AKR1C3: variants seen among roughly 807,000 people sequenced by gnomAD.
AKR1C3 encodes 3-alpha hydroxysteroid dehydrogenase, type II.
In AKR1C3, 48 loss-of-function variants were observed where a neutral mutation model predicts 43.6. That is an observed-to-expected ratio of 1.10 (90% confidence interval 0.87 to 1.40). The LOEUF (loss-of-function observed/expected upper bound fraction) is 1.40. Ranked by LOEUF, AKR1C3 falls within the 40% of genes most tolerant of loss-of-function variation. The pLI is 0.00. For synonymous variants in AKR1C3, 162 were observed against 139.6 expected (o/e 1.16, Z -1.13); for missense variants, 482 against 391.2 (o/e 1.23, Z -1.96).
At chr10:5,096,078 C>T (rs1839200330) in intron 1 of AKR1C3, 1 of 190,246 alleles carries the variant, frequency 5.3e-6, no homozygotes, top group Admixed American at 5.5e-5. Flanking sequence ...TTCTATACTC[C>T]ATGTGATTTT....
intron 7 of AKR1C3, among the ~76,000 whole-genome samples, chr10:5,103,904 ATTAATATATGATAGG>A (rs1839423984): frequency 6.6e-6 from 1 of 152,140 alleles, no homozygotes; most frequent in African/African-American, 2.4e-5. Flanking sequence ...TCTATGATGG[ATTAATATATGATAGG>A]TTAATATATA....
At chr10:5,085,133 A>AGGG (rs1554782901) in intron 1 of AKR1C3, among the ~76,000 whole-genome samples, 6 of 152,116 alleles carry the variant, frequency 3.9e-5, no homozygotes, top group African/African-American at 1.2e-4. Context: ...GTGGTGAGAG[A>AGGG]AGGCATCCCT....
chr10:5,093,817 C>G (rs1420613272), upstream of AKR1C3: 1 of 152,120 alleles, frequency 6.6e-6, no homozygotes, highest in Non-Finnish European at 1.5e-5. Context: ...ACAGCTTTAT[C>G]AGGACTGCAT....
In AKR1C3 at chr10:5,088,872, C is replaced by T. The variant is rs565300340; in HGVS notation, c.85-7538C>T. On this transcript the variant is annotated intron_variant, in intron 1 of 8. Coordinates refer to the AKR1C3 transcript ENST00000439082. The stretch of plus-strand genomic sequence containing the variant: ...TTGTTAGCCAATTGCTTTAGAGACT[C>T]AATTGTGCAATTACTGTATAGTAAT... Among the ~76,000 whole-genome samples, 164 of 151,918 alleles carry T rather than the reference C, an allele frequency of 1.1e-3. 1 individual carries two copies. Among genetic ancestry groups the T allele is most frequent in the African/African-American group, 3.5e-3 (144 of 41,488 alleles).
At chr10:5,054,524 C>T (rs531264977) in intron 1 of AKR1C3, among the ~76,000 whole-genome samples, 23 of 152,240 alleles carry the variant, frequency 1.5e-4, no homozygotes, top group South Asian at 4.1e-4. Flanking sequence ...GTCAATGTTC[C>T]GCATAAGAAA....
At chr10:5,061,597 G>T (rs1554780257) in intron 1 of AKR1C3, among the ~76,000 whole-genome samples, 2 of 152,156 alleles carry the variant, frequency 1.3e-5, no homozygotes, top group African/African-American at 4.8e-5. Context: ...TATATGTTGT[G>T]CATAAAAGGA....
At position 5,049,981 on chromosome 10, in the gene AKR1C3, A is replaced by C. The variant is rs77918248; in HGVS notation, c.84+1086A>C. 7.9e-3 allele frequency among the ~76,000 whole-genome samples: 1,196 copies of C among 152,312 alleles called. 19 individuals carry two copies. The highest frequency in any genetic ancestry group is 0.027 in the African/African-American group (1,137 of 41,562). Reference sequence around the variant, plus strand: ...CCTTCCATGTAGGCCTGGTGTTTTTACTACTGTCTAGTGGACACACTGTGG... The same window carrying C: ...CCTTCCATGTAGGCCTGGTGTTTTTCCTACTGTCTAGTGGACACACTGTGG... On this transcript the variant is annotated intron_variant, in intron 1 of 8. Transcript: ENST00000439082.
chr10:5,063,014 T>A (rs1554780390), intron 1 of AKR1C3, among the ~76,000 whole-genome samples: 1 of 152,180 alleles, frequency 6.6e-6, no homozygotes, highest in Admixed American at 6.5e-5. Context: ...AAGTGAATAA[T>A]TCAGGATGAA....
At chr10:5,106,384 A>C (rs75243804) in intron 8 of AKR1C3, among the ~76,000 whole-genome samples, 4,615 of 152,300 alleles carry the variant, frequency 0.03, 232 homozygotes, top group African/African-American at 0.11. Context: ...TAGCTGATAA[A>C]AGATCTTTAC....
chr10:5,061,653 G>T (rs780227580), intron 1 of AKR1C3, among the ~76,000 whole-genome samples: 3 of 152,170 alleles, frequency 2.0e-5, no homozygotes, highest in Non-Finnish European at 2.9e-5. Flanking sequence ...TGAGAGTCAG[G>T]CCTGGACCTC....
intron 1 of AKR1C3, chr10:5,049,011 G>A: frequency 4.0e-6 from 3 of 750,052 alleles, no homozygotes; most frequent in East Asian, 2.5e-5. Flanking sequence ...TCCAACCTGA[G>A]TTTCCCTAGG....
At chr10:5,067,194 A>G (rs1410473647) in intron 1 of AKR1C3, among the ~76,000 whole-genome samples, 3 of 152,246 alleles carry the variant, frequency 2.0e-5, no homozygotes, top group East Asian at 3.8e-4. Flanking sequence ...AGTACACCCC[A>G]TAAGTGCACA....
chr10:5,098,664 C>T (rs1554785513), intron 3 of AKR1C3, 138 bp from the exon 4 acceptor site: 1 of 694,720 alleles, frequency 1.4e-6, no homozygotes, highest in East Asian at 2.8e-5. Context: ...ATATGTAAAA[C>T]ACTTAGCACA....
intron 1 of AKR1C3, among the ~76,000 whole-genome samples, chr10:5,064,920 G>GC (rs1838465309): frequency 2.5e-4 from 1 of 3,994 alleles, no homozygotes; most frequent in Non-Finnish European, 5.0e-4. Context: ...AACAAAATAA[G>GC]CAAAAAAAAA....
At chr10:5,091,368 G>A (rs1839085209), upstream of AKR1C3, among the ~76,000 whole-genome samples, 1 of 152,080 alleles carries the variant, frequency 6.6e-6, no homozygotes, top group Non-Finnish European at 1.5e-5. Context: ...CCAAAGTCTG[G>A]TTCAATGGGC....
intron 5 of AKR1C3, 122 bp downstream of exon 5, chr10:5,099,571 A>G: frequency 6.6e-6 from 10 of 1,515,936 alleles, no homozygotes; most frequent in Non-Finnish European, 8.0e-6. Flanking sequence ...CTAGAGAGCA[A>G]AGCTTCTGTC....
rs564259221 is a variant in AKR1C3 at position 5,064,833 on chromosome 10, T to G, written c.84+15938T>G. ...AAATCAAAACCACAATGAGATACCA[T>G]CTCATACCAGTCAGAATGCCTATTA... is the stretch of plus-strand genomic sequence containing the variant. On this transcript the variant is annotated intron_variant, in intron 1 of 8. Transcript: ENST00000439082. 5.1e-4 allele frequency among the ~76,000 whole-genome samples: 77 copies of G among 150,194 alleles called. 1 individual carries two copies. Among genetic ancestry groups the G allele is most frequent in the Admixed American group, 4.3e-3 (65 of 15,090 alleles).
At chr10:5,106,696 G>C (rs1554787320) in intron 8 of AKR1C3, among the ~76,000 whole-genome samples, 1 of 151,242 alleles carries the variant, frequency 6.6e-6, no homozygotes, top group Non-Finnish European at 1.5e-5. Context: ...GGATGCAGCA[G>C]TGAGCTGAGA....
At chr10:5,053,778 C>T (rs1048975857) in intron 1 of AKR1C3, among the ~76,000 whole-genome samples, 22 of 152,354 alleles carry the variant, frequency 1.4e-4, no homozygotes, top group Admixed American at 1.2e-3. Flanking sequence ...TAGTGTCCTC[C>T]AGAGGGGAGT....
Sources: gnomAD v4.1 joint callset for allele counts (sites outside exome capture counted in the v4.1 genomes callset) on GRCh38, gnomAD v4.1.1 for gene constraint, MANE v1.5 for transcripts, NCBI Gene and HGNC (gene_info 2026-07-23, HGNC 2026-07-21) for gene names.